The following LRMDA variants were observed in gnomAD, a reference collection of about 807,000 sequenced individuals.
LRMDA encodes leucine-rich melanocyte differentiation-associated protein.
A neutral mutation model predicts 29.8 loss-of-function variants in LRMDA; 18 were observed. That is an observed-to-expected ratio of 0.60 (90% CI 0.42 to 0.90). The LOEUF (loss-of-function observed/expected upper bound fraction) is 0.90, where lower values mean the gene tolerates loss of function less well. Among genes scored for constraint, LRMDA ranks in the 40% least tolerant of loss-of-function variants. The pLI is 0.00. For missense variants in LRMDA, 273 were observed against 273.9 expected, an observed-to-expected ratio of 1.00 and a Z score of 0.02; for synonymous variants, 125 against 109.4, an observed-to-expected ratio of 1.14 and a Z score of -0.89.
At chr10:76,557,150 G>A (rs1232012027) in intron 6 of LRMDA, 59 bp from the exon 7 acceptor site, 1 of 1,364,144 alleles carries the variant, frequency 7.3e-7, no homozygotes, top group African/African-American at 1.4e-5. Context: ...TTCAGCACCT[G>A]TGTTTCCCTG....
At chr10:76,495,186 T>C (rs1202837837) in intron 6 of LRMDA, among the ~76,000 whole-genome samples, 1 of 151,948 alleles carries the variant, frequency 6.6e-6, no homozygotes, top group Non-Finnish European at 1.5e-5. Flanking sequence ...TTGTGAGGTT[T>C]CGATGGAGGT....
At chr10:75,691,244 A>G (rs1350004013) in intron 2 of LRMDA, among the ~76,000 whole-genome samples, 5 of 134,662 alleles carry the variant, frequency 3.7e-5, no homozygotes, top group East Asian at 2.3e-4. Context: ...GTGTGTGTGT[A>G]TGTATGTATG....
chr10:76,493,551 A>G (rs138707430), intron 6 of LRMDA, among the ~76,000 whole-genome samples: 96 of 152,284 alleles, frequency 6.3e-4, no homozygotes, highest in Non-Finnish European at 1.1e-3. Flanking sequence ...ATGTACGTAT[A>G]CATGTGAGTA....
chr10:75,785,242 A>G (rs973064680), intron 2 of LRMDA, among the ~76,000 whole-genome samples: 7 of 152,146 alleles, frequency 4.6e-5, no homozygotes, highest in African/African-American at 1.7e-4. Context: ...AATTTATGCT[A>G]TTTTGAACTT....
chr10:76,034,398 C>T (rs1237527417), intron 2 of LRMDA, among the ~76,000 whole-genome samples: 1 of 152,090 alleles, frequency 6.6e-6, no homozygotes, highest in African/African-American at 2.4e-5. Context: ...ACACGATGAC[C>T]TCTGGACCCC....
intron 2 of LRMDA, among the ~76,000 whole-genome samples, chr10:75,559,249 T>C (rs1434523688): frequency 6.6e-6 from 1 of 151,868 alleles, no homozygotes; most frequent in African/African-American, 2.4e-5. Context: ...TGGTATCTCA[T>C]TGTGGTTTTG....
chr10:76,228,268 C>T (rs796583583), intron 5 of LRMDA, among the ~76,000 whole-genome samples: 17 of 152,210 alleles, frequency 1.1e-4, no homozygotes, highest in African/African-American at 3.9e-4. Flanking sequence ...GATCTGCCCA[C>T]CTCAGCCTCC....
At chr10:76,287,000 C>T (rs1374566120) in intron 5 of LRMDA, among the ~76,000 whole-genome samples, 1 of 151,982 alleles carries the variant, frequency 6.6e-6, no homozygotes, top group African/African-American at 2.4e-5. Context: ...ATTATTATGT[C>T]CTCTATTATT....
At chr10:76,295,166 A>T (rs560306774) in intron 5 of LRMDA, among the ~76,000 whole-genome samples, 3 of 152,262 alleles carry the variant, frequency 2.0e-5, no homozygotes, top group African/African-American at 7.2e-5. Flanking sequence ...ATAAGGAGGG[A>T]AGTTTTGGCA....
At chr10:75,475,559 G>A (rs546442163) in intron 2 of LRMDA, among the ~76,000 whole-genome samples, 13 of 152,312 alleles carry the variant, frequency 8.5e-5, no homozygotes, top group South Asian at 6.2e-4. Flanking sequence ...AGGGCTGATC[G>A]TTGAAGCCCA....
chr10:76,417,568 T>C (rs1195458837), intron 6 of LRMDA, among the ~76,000 whole-genome samples: 1 of 152,190 alleles, frequency 6.6e-6, no homozygotes, highest in Non-Finnish European at 1.5e-5. Flanking sequence ...GTAGCCAACA[T>C]TCAGACATCA....
At chr10:76,006,053 C>T (rs999662548) in intron 2 of LRMDA, among the ~76,000 whole-genome samples, 1 of 152,044 alleles carries the variant, frequency 6.6e-6, no homozygotes, top group Non-Finnish European at 1.5e-5. Flanking sequence ...GAAATGGAGT[C>T]GCTGTTTCAC....
chr10:75,859,518 T>C (rs902177878), intron 2 of LRMDA, among the ~76,000 whole-genome samples: 3 of 152,092 alleles, frequency 2.0e-5, no homozygotes, highest in African/African-American at 4.8e-5. Context: ...GAATTGCCCA[T>C]GTATATTATT....
chr10:76,106,042 C>T (rs1205935340), intron 5 of LRMDA, among the ~76,000 whole-genome samples: 4 of 152,150 alleles, frequency 2.6e-5, no homozygotes, highest in Non-Finnish European at 5.9e-5. Flanking sequence ...CCACCAGGTC[C>T]AGCCAAGTTT....
intron 2 of LRMDA, among the ~76,000 whole-genome samples, chr10:75,833,315 C>T (rs1844378444): frequency 6.6e-6 from 1 of 152,130 alleles, no homozygotes; most frequent in Admixed American, 6.5e-5. Context: ...CTCTGAAGAG[C>T]ATCTCATATT....
At chr10:76,027,868 ATTAT>A (rs1030573876) in intron 2 of LRMDA, among the ~76,000 whole-genome samples, 1 of 152,140 alleles carries the variant, frequency 6.6e-6, no homozygotes, top group Non-Finnish European at 1.5e-5. Context: ...TGCCTACAAT[ATTAT>A]TTTTAATTCC....
At chr10:76,353,102 G>A (rs1219650898) in intron 6 of LRMDA, among the ~76,000 whole-genome samples, 2 of 152,110 alleles carry the variant, frequency 1.3e-5, no homozygotes, top group African/African-American at 2.4e-5. Context: ...TTTGGTTCTA[G>A]CAGGTCTTAT....
chr10:76,054,430 A>G (rs1848577252), intron 4 of LRMDA, among the ~76,000 whole-genome samples: 1 of 152,182 alleles, frequency 6.6e-6, no homozygotes, highest in East Asian at 2.0e-4. Flanking sequence ...CTTAAAAGCC[A>G]GCACCTCTGT....
At chr10:76,188,679 T>A (rs535806806) in intron 5 of LRMDA, among the ~76,000 whole-genome samples, 1 of 152,258 alleles carries the variant, frequency 6.6e-6, no homozygotes, top group South Asian at 2.1e-4. Context: ...ATTTGTGTTT[T>A]CATTTTCAAG....
Sources: gnomAD v4.1 joint callset for allele counts (sites outside exome capture counted in the v4.1 genomes callset) on GRCh38, gnomAD v4.1.1 for gene constraint, MANE v1.5 for transcripts, NCBI Gene and HGNC (gene_info 2026-07-23, HGNC 2026-07-21) for gene names.